STPG2: variants seen among roughly 807,000 people sequenced by gnomAD.
The protein encoded by STPG2 is sperm tail PG-rich repeat containing 2, also known as sperm-tail PG-rich repeat-containing protein 2.
A neutral mutation model predicts 54.2 loss-of-function variants in STPG2; 56 were observed. That is an observed-to-expected ratio of 1.03 (90% CI 0.83 to 1.29). The LOEUF is 1.29. STPG2 is among the 50% of genes most tolerant of loss of function. STPG2 has a pLI of 0.00. For synonymous variants in STPG2, 200 were observed against 181.8 expected (o/e 1.10, Z -0.81); for missense variants, 596 against 544.9 (o/e 1.09, Z -0.93).
At chr4:97,544,585 A>C (rs1167544610) in intron 4 of STPG2, among the ~76,000 whole-genome samples, 1 of 152,124 alleles carries the variant, frequency 6.6e-6, no homozygotes, top group African/African-American at 2.4e-5. Flanking sequence ...AAAAATATTT[A>C]CAAAAATGAA....
chr4:97,532,300 TA>T (rs1442206836), intron 4 of STPG2, among the ~76,000 whole-genome samples: 8 of 152,264 alleles, frequency 5.3e-5, no homozygotes, highest in South Asian at 2.1e-4. Flanking sequence ...TATTTGCAGT[TA>T]AAATGTTCAC....
intron 9 of STPG2, among the ~76,000 whole-genome samples, chr4:97,756,088 CTGT>C (rs1265238942): frequency 3.3e-5 from 5 of 152,004 alleles, no homozygotes; most frequent in Admixed American, 2.0e-4. Flanking sequence ...CTCTCTCTCT[CTGT>C]TGTTTTCCTC....
intron 10 of STPG2, among the ~76,000 whole-genome samples, chr4:97,637,128 A>C (rs1308577250): frequency 2.0e-5 from 3 of 151,654 alleles, no homozygotes; most frequent in Non-Finnish European, 4.4e-5. Context: ...GCAGCACATC[A>C]AAAAGCTTAT....
chr4:97,649,227 G>T (rs1197204506), intron 10 of STPG2, among the ~76,000 whole-genome samples: 1 of 152,000 alleles, frequency 6.6e-6, no homozygotes, highest in African/African-American at 2.4e-5. Flanking sequence ...TATAAGTCAG[G>T]TAATTATTTC....
At chr4:97,571,338 C>T (rs1458813675) in intron 10 of STPG2, among the ~76,000 whole-genome samples, 6 of 152,024 alleles carry the variant, frequency 3.9e-5, no homozygotes, top group Non-Finnish European at 7.4e-5. Flanking sequence ...CACCTGACAG[C>T]CAGGGCTCTT....
At chr4:97,788,516 A>G (rs970328850) in intron 9 of STPG2, among the ~76,000 whole-genome samples, 2 of 152,108 alleles carry the variant, frequency 1.3e-5, no homozygotes, top group African/African-American at 4.8e-5. Context: ...GGCTATTGTG[A>G]ACAGTGCTGC....
At chr4:97,448,669 T>C (rs1729287766) in intron 4 of STPG2, among the ~76,000 whole-genome samples, 1 of 152,226 alleles carries the variant, frequency 6.6e-6, no homozygotes, top group South Asian at 2.1e-4. Flanking sequence ...CAATTAAACC[T>C]CTTTCCTTTA....
chr4:97,893,380 C>T (rs1730842061), intron 8 of STPG2, among the ~76,000 whole-genome samples: 1 of 152,058 alleles, frequency 6.6e-6, no homozygotes, highest in Non-Finnish European at 1.5e-5. Context: ...ATATAGATTT[C>T]ATTAAATATA....
At chr4:97,997,518 A>T (rs570336473) in intron 5 of STPG2, among the ~76,000 whole-genome samples, 1 of 152,286 alleles carries the variant, frequency 6.6e-6, no homozygotes, top group East Asian at 1.9e-4. Flanking sequence ...TATTCACGAG[A>T]AATCCTTCCT....
At chr4:98,034,207 C>T (rs960795250) in intron 5 of STPG2, among the ~76,000 whole-genome samples, 6 of 152,112 alleles carry the variant, frequency 3.9e-5, no homozygotes, top group African/African-American at 9.7e-5. Flanking sequence ...ACAACCCCAT[C>T]GTCTCAGCCC....
chr4:97,717,562 T>C (rs1724329495), intron 9 of STPG2, among the ~76,000 whole-genome samples: 1 of 152,180 alleles, frequency 6.6e-6, no homozygotes, highest in Non-Finnish European at 1.5e-5. Context: ...CAGACAGCAA[T>C]GTCTGTTTAT....
In STPG2 at chr4:97,489,228, T is replaced by G. The variant is rs189856059; in HGVS notation, c.462+223471A>C. Among the ~76,000 whole-genome samples the G allele has an allele frequency of 4.2e-3, 638 of 151,860 alleles. 3 individuals carry two copies. The highest frequency in any genetic ancestry group is 0.02 in the South Asian group (98 of 4,824). On this transcript the variant is annotated intron_variant, in intron 4 of 4. Transcript: ENST00000522676. ...ACACCCATTTGGAACTATAAGTCCA[T>G]TAGACCTCTTTTATAAATTGCCCAG...
At chr4:97,469,996 A>G (rs1365422306) in intron 4 of STPG2, among the ~76,000 whole-genome samples, 5 of 152,158 alleles carry the variant, frequency 3.3e-5, no homozygotes, top group Admixed American at 3.3e-4. Flanking sequence ...AAATAAAGAA[A>G]TAGAAATTTA....
At chr4:97,620,888 A>G (rs905245242) in intron 10 of STPG2, among the ~76,000 whole-genome samples, 1 of 152,166 alleles carries the variant, frequency 6.6e-6, no homozygotes, top group Non-Finnish European at 1.5e-5. Context: ...TGGACATAAA[A>G]CAATCCTCAA....
intron 5 of STPG2, among the ~76,000 whole-genome samples, chr4:97,986,284 T>C (rs1734830658): frequency 6.6e-6 from 1 of 152,198 alleles, no homozygotes. Flanking sequence ...TGGATAAATA[T>C]CACAATCACT....
chr4:97,916,009 A>G (rs751918037), intron 8 of STPG2, among the ~76,000 whole-genome samples: 3 of 152,124 alleles, frequency 2.0e-5, no homozygotes, highest in Non-Finnish European at 2.9e-5. Context: ...GACGTGAGAG[A>G]TATCTTAGAG....
intron 5 of STPG2, among the ~76,000 whole-genome samples, chr4:97,996,888 T>C (rs1272773874): frequency 6.6e-6 from 1 of 152,176 alleles, no homozygotes; most frequent in African/African-American, 2.4e-5. Context: ...GACAATCAGG[T>C]ACCATTTCAC....
chr4:97,799,435 C>G (rs548359867), intron 9 of STPG2, among the ~76,000 whole-genome samples: 8 of 152,152 alleles, frequency 5.3e-5, no homozygotes, highest in Non-Finnish European at 8.8e-5. Context: ...TTCTCCTTCA[C>G]TTATGAAACT....
At chr4:97,871,696 T>A (rs1729995635) in intron 8 of STPG2, among the ~76,000 whole-genome samples, 1 of 151,182 alleles carries the variant, frequency 6.6e-6, no homozygotes, top group South Asian at 2.1e-4. Flanking sequence ...TGGGGAATTC[T>A]AACTACGAAG....
Sources: gnomAD v4.1 joint callset for allele counts (sites outside exome capture counted in the v4.1 genomes callset) on GRCh38, gnomAD v4.1.1 for gene constraint, MANE v1.5 for transcripts, NCBI Gene and HGNC (gene_info 2026-07-23, HGNC 2026-07-21) for gene names.